AUTS2: variants seen among roughly 807,000 people sequenced by gnomAD.
AUTS2 encodes the protein autism susceptibility gene 2 protein.
Under a neutral mutation model 112.4 loss-of-function variants are expected in AUTS2, and 17 were observed. The observed-to-expected ratio is 0.15, with a 90% CI of 0.10 to 0.23. AUTS2 has a LOEUF of 0.23. Among genes scored for constraint, AUTS2 ranks in the 10% least tolerant of loss-of-function variants. The probability of loss-of-function intolerance (pLI) is 1.00; values close to 1 mark genes in which losing one functional copy is unlikely to be tolerated. For synonymous variants in AUTS2, 751 were observed against 702.7 expected, an observed-to-expected ratio of 1.07 and a Z score of -1.09; for missense variants, 1,510 against 1,701.6, an observed-to-expected ratio of 0.89 and a Z score of 1.98.
chr7:70,570,166 TA>T (rs1438237380), intron 5 of AUTS2, among the ~76,000 whole-genome samples: 35 of 152,212 alleles, frequency 2.3e-4, no homozygotes, highest in Non-Finnish European at 5.9e-5. Context: ...GACAGTAGGT[TA>T]GGCAGGTCTG....
chr7:70,425,526 G>C (rs1795396210), intron 4 of AUTS2, among the ~76,000 whole-genome samples: 1 of 152,150 alleles, frequency 6.6e-6, no homozygotes. Context: ...GGCAGCATCA[G>C]ATAATGTGGA....
At chr7:70,386,468 T>C (rs1474609463) in intron 4 of AUTS2, among the ~76,000 whole-genome samples, 1 of 152,204 alleles carries the variant, frequency 6.6e-6, no homozygotes, top group Non-Finnish European at 1.5e-5. Context: ...CCATCACCAC[T>C]ATCTAATTCT....
chr7:70,669,913 A>C (rs898770915), intron 5 of AUTS2, among the ~76,000 whole-genome samples: 1 of 152,138 alleles, frequency 6.6e-6, no homozygotes, highest in Non-Finnish European at 1.5e-5. Flanking sequence ...CGAAGGAGCC[A>C]GGGTTAAACA....
At chr7:70,772,412 A>G (rs935839955) in intron 11 of AUTS2, among the ~76,000 whole-genome samples, 1 of 152,246 alleles carries the variant, frequency 6.6e-6, no homozygotes, top group African/African-American at 2.4e-5. Context: ...CTCTCTTTTT[A>G]AATATACTTA....
intron 1 of AUTS2, among the ~76,000 whole-genome samples, chr7:69,629,172 A>G (rs1026097728): frequency 1.3e-4 from 17 of 130,312 alleles, no homozygotes; most frequent in Non-Finnish European, 2.5e-4. Flanking sequence ...CAAGATCTAT[A>G]AAATAACAGA....
intron 4 of AUTS2, among the ~76,000 whole-genome samples, chr7:70,432,091 CA>C (rs1795695793): frequency 2.0e-5 from 3 of 152,330 alleles, no homozygotes; most frequent in Admixed American, 2.0e-4. Flanking sequence ...TAGCTTTTCA[CA>C]GCGGGCTCTG....
chr7:70,462,479 A>T (rs943540535), intron 5 of AUTS2, among the ~76,000 whole-genome samples: 1 of 152,088 alleles, frequency 6.6e-6, no homozygotes. Context: ...ATGTTTGAAA[A>T]TTTTCATAAT....
chr7:70,243,946 A>AATAGTAATACTATTACAGT (rs1205248056), intron 4 of AUTS2, among the ~76,000 whole-genome samples: 2 of 151,938 alleles, frequency 1.3e-5, no homozygotes, highest in African/African-American at 2.4e-5. Context: ...CTATAACTAT[A>AATAGTAATACTATTACAGT]ATAGTAATAC....
intron 2 of AUTS2, among the ~76,000 whole-genome samples, chr7:69,940,966 C>G (rs984960782): frequency 2.0e-5 from 3 of 152,122 alleles, no homozygotes; most frequent in African/African-American, 7.2e-5. Flanking sequence ...AGCTTATTTG[C>G]TCAAAAGAAG....
chr7:69,601,673 C>G (rs1473742071), intron 1 of AUTS2, among the ~76,000 whole-genome samples: 1 of 151,912 alleles, frequency 6.6e-6, no homozygotes, highest in Non-Finnish European at 1.5e-5. Flanking sequence ...AGAATTGGTG[C>G]TTTATTGGCC....
chr7:70,078,513 C>A (rs951515846), intron 2 of AUTS2, among the ~76,000 whole-genome samples: 1 of 152,142 alleles, frequency 6.6e-6, no homozygotes, highest in Non-Finnish European at 1.5e-5. Flanking sequence ...AGTAAAGTTT[C>A]TTTGTTCATC....
chr7:69,641,175 A>G (rs939405304), intron 1 of AUTS2, among the ~76,000 whole-genome samples: 10 of 152,218 alleles, frequency 6.6e-5, no homozygotes, highest in Admixed American at 2.6e-4. Context: ...GATTATAGCA[A>G]TAAAGTACTC....
intron 2 of AUTS2, among the ~76,000 whole-genome samples, chr7:70,079,706 A>G (rs760408779): frequency 7.2e-5 from 11 of 152,158 alleles, no homozygotes; most frequent in African/African-American, 1.2e-4. Flanking sequence ...TCTGTATTCA[A>G]TGACATCACT....
chr7:70,787,463 G>C (rs751757533), intron 18 of AUTS2, 32 bp downstream of exon 18: 1 of 1,487,676 alleles, frequency 6.7e-7, no homozygotes, highest in Admixed American at 1.9e-5. Context: ...GAGTCCCCAC[G>C]GGGGAGCCTG....
At chr7:70,492,643 G>A (rs192810464) in intron 5 of AUTS2, among the ~76,000 whole-genome samples, 165 of 152,280 alleles carry the variant, frequency 1.1e-3, no homozygotes, top group Non-Finnish European at 1.7e-3. Context: ...GAGACAAAGC[G>A]GAGACCATAA....
chr7:69,743,507 T>C (rs1033056196), intron 1 of AUTS2, among the ~76,000 whole-genome samples: 2 of 152,196 alleles, frequency 1.3e-5, no homozygotes, highest in African/African-American at 4.8e-5. Context: ...CTTTATTTTT[T>C]ACATACAATA....
chr7:70,323,110 G>A (rs1790330174), intron 4 of AUTS2, among the ~76,000 whole-genome samples: 2 of 152,170 alleles, frequency 1.3e-5, no homozygotes, highest in South Asian at 2.1e-4. Flanking sequence ...AGGAAAGTTA[G>A]GATACTATTT....
At chr7:69,765,389 A>C (rs1477580588) in intron 1 of AUTS2, among the ~76,000 whole-genome samples, 2 of 152,130 alleles carry the variant, frequency 1.3e-5, no homozygotes, top group Non-Finnish European at 2.9e-5. Flanking sequence ...CTGACTTTTA[A>C]AGCCTTTGAG....
At chr7:69,883,041 G>A (rs1008925837) in intron 1 of AUTS2, among the ~76,000 whole-genome samples, 1 of 152,134 alleles carries the variant, frequency 6.6e-6, no homozygotes, top group Non-Finnish European at 1.5e-5. Context: ...TGTATTCCAG[G>A]AGAAGAAATG....
Sources: gnomAD v4.1 joint callset for allele counts (sites outside exome capture counted in the v4.1 genomes callset) on GRCh38, gnomAD v4.1.1 for gene constraint, MANE v1.5 for transcripts, NCBI Gene and HGNC (gene_info 2026-07-23, HGNC 2026-07-21) for gene names.